The following GPC5 variants were observed in gnomAD, a reference collection of about 807,000 sequenced individuals.
The protein encoded by GPC5 is glypican-5.
A neutral mutation model predicts 53.9 loss-of-function variants in GPC5; 47 were observed. The observed-to-expected ratio is 0.87, with a 90% confidence interval of 0.69 to 1.11. The LOEUF is 1.11. GPC5 is among the 50% of genes most tolerant of loss of function. The pLI, the probability that GPC5 is intolerant of heterozygous loss-of-function variation, is 0.00. For missense variants in GPC5, 748 were observed against 713.1 expected (o/e 1.05, Z -0.56); for synonymous variants, 286 against 263.3 (o/e 1.09, Z -0.84).
intron 7 of GPC5, among the ~76,000 whole-genome samples, chr13:92,470,252 G>A (rs1355506739): frequency 6.6e-6 from 1 of 151,998 alleles, no homozygotes; most frequent in Non-Finnish European, 1.5e-5. Context: ...TATTAATATG[G>A]ATATTTATTA....
intron 2 of GPC5, among the ~76,000 whole-genome samples, chr13:91,529,142 G>A (rs989326260): frequency 2.0e-5 from 3 of 152,120 alleles, no homozygotes; most frequent in Non-Finnish European, 4.4e-5. Context: ...TCTAGAATAA[G>A]GCGTTCTGTT....
intron 5 of GPC5, among the ~76,000 whole-genome samples, chr13:91,900,431 G>C (rs1485954412): frequency 2.0e-5 from 3 of 152,036 alleles, no homozygotes; most frequent in Non-Finnish European, 2.9e-5. Flanking sequence ...ATCTTACTGA[G>C]AGGAGTTTAA....
intron 7 of GPC5, among the ~76,000 whole-genome samples, chr13:92,823,844 CT>C (rs1471381538): frequency 6.6e-6 from 1 of 152,100 alleles, no homozygotes; most frequent in Non-Finnish European, 1.5e-5. Flanking sequence ...AAGTTTACTT[CT>C]TTCCCCCAAT....
chr13:92,775,825 C>T (rs1344648736), intron 7 of GPC5, among the ~76,000 whole-genome samples: 1 of 152,182 alleles, frequency 6.6e-6, no homozygotes, highest in African/African-American at 2.4e-5. Flanking sequence ...CTTAAATCGG[C>T]TTCCAATAAA....
At chr13:91,962,158 G>C (rs972024180) in intron 6 of GPC5, among the ~76,000 whole-genome samples, 3 of 152,106 alleles carry the variant, frequency 2.0e-5, no homozygotes. Flanking sequence ...ATTTTCCTAA[G>C]AGTGTTTTCT....
At chr13:92,604,585 A>C (rs1884189439) in intron 7 of GPC5, among the ~76,000 whole-genome samples, 1 of 152,222 alleles carries the variant, frequency 6.6e-6, no homozygotes, top group Admixed American at 6.5e-5. Flanking sequence ...GATTAATTTC[A>C]GACCCAGTTT....
intron 7 of GPC5, among the ~76,000 whole-genome samples, chr13:92,646,960 GTGTGTGTA>G (rs1394275036): frequency 1.3e-5 from 2 of 150,872 alleles, no homozygotes; most frequent in South Asian, 2.1e-4. Flanking sequence ...GTGTGTGTGT[GTGTGTGTA>G]TATAAACCTG....
intron 1 of GPC5, among the ~76,000 whole-genome samples, chr13:91,448,257 G>T (rs1880938340): frequency 6.6e-6 from 1 of 152,208 alleles, no homozygotes; most frequent in Non-Finnish European, 1.5e-5. Flanking sequence ...TGTCATTATT[G>T]CAGAGATAGC....
chr13:91,511,193 G>T (rs1885213151), intron 2 of GPC5, among the ~76,000 whole-genome samples: 1 of 152,048 alleles, frequency 6.6e-6, no homozygotes, highest in African/African-American at 2.4e-5. Flanking sequence ...GTACTTTAAA[G>T]ATGCCTTTCT....
rs141855085 is a variant in GPC5 at position 92,426,843 on chromosome 13, G to A, written c.1561+281854G>A. 7.2e-5 allele frequency among the ~76,000 whole-genome samples: 11 copies of A among 152,110 alleles called. No homozygotes were observed. In the East Asian group the frequency reaches 1.9e-3, roughly 27 times the overall value. ...GCACAGGTTATAAACATGTAAAAGT[G>A]CAATAGATTTATCTACTTAACTGTA... is the stretch of plus-strand genomic sequence containing the variant. On this transcript the variant is annotated intron_variant, in intron 7 of 7. Transcript: ENST00000377067.
chr13:92,794,194 T>C (rs1193365516), intron 7 of GPC5, among the ~76,000 whole-genome samples: 1 of 152,118 alleles, frequency 6.6e-6, no homozygotes, highest in Non-Finnish European at 1.5e-5. Flanking sequence ...CTTTATCAAG[T>C]CGGTTTCATC....
At chr13:92,606,308 A>G (rs545659025) in intron 7 of GPC5, among the ~76,000 whole-genome samples, 200 of 152,156 alleles carry the variant, frequency 1.3e-3, no homozygotes, top group African/African-American at 4.6e-3. Context: ...TCATTGTTCA[A>G]TTCCCACCTA....
intron 7 of GPC5, among the ~76,000 whole-genome samples, chr13:92,480,949 G>A (rs1269225422): frequency 6.6e-6 from 1 of 152,060 alleles, no homozygotes; most frequent in Non-Finnish European, 1.5e-5. Flanking sequence ...AAGATGGAAG[G>A]GTATCATGAG....
intron 2 of GPC5, among the ~76,000 whole-genome samples, chr13:91,487,529 G>T (rs574409969): frequency 6.6e-6 from 1 of 152,054 alleles, no homozygotes; most frequent in Non-Finnish European, 1.5e-5. Context: ...GGAATACTAG[G>T]GTAGGGCCCC....
chr13:91,930,139 T>A (rs768585251), intron 6 of GPC5, among the ~76,000 whole-genome samples: 1 of 152,076 alleles, frequency 6.6e-6, no homozygotes, highest in Non-Finnish European at 1.5e-5. Flanking sequence ...TCATAGGTCA[T>A]GCACGAGGCC....
At chr13:92,459,496 T>A (rs1453562321) in intron 7 of GPC5, among the ~76,000 whole-genome samples, 1 of 152,202 alleles carries the variant, frequency 6.6e-6, no homozygotes, top group African/African-American at 2.4e-5. Flanking sequence ...TTTCTGACCT[T>A]GTTCTTGGCA....
At chr13:91,809,967 A>C (rs893285902) in intron 5 of GPC5, among the ~76,000 whole-genome samples, 24 of 152,046 alleles carry the variant, frequency 1.6e-4, no homozygotes, top group Admixed American at 1.3e-4. Context: ...TCAGGGATTC[A>C]GATTTTTCTC....
intron 7 of GPC5, among the ~76,000 whole-genome samples, chr13:92,567,284 G>T (rs1364532149): frequency 6.6e-6 from 1 of 152,094 alleles, no homozygotes; most frequent in Non-Finnish European, 1.5e-5. Context: ...CTGTTCTTCA[G>T]CATTTGTAGG....
intron 7 of GPC5, among the ~76,000 whole-genome samples, chr13:92,565,934 A>G (rs1238098163): frequency 6.6e-6 from 1 of 152,014 alleles, no homozygotes; most frequent in East Asian, 1.9e-4. Flanking sequence ...TGAACTTTTT[A>G]GTGATCAACC....
Sources: allele counts gnomAD v4.1 joint callset (sites outside exome capture counted in the v4.1 genomes callset), GRCh38; gene constraint gnomAD v4.1.1; transcripts MANE v1.5; gene names NCBI Gene and HGNC (gene_info 2026-07-23, HGNC 2026-07-21).